The following ZNF613 variants were observed in gnomAD, a reference collection of about 807,000 sequenced individuals.
ZNF613 encodes the protein zinc finger protein 613.
A neutral mutation model predicts 14.3 loss-of-function variants in ZNF613; 8 were observed. The observed-to-expected ratio is 0.56, with a 90% CI of 0.33 to 1.01. The LOEUF is 1.01. ZNF613 is among the 50% of genes least tolerant of loss of function. The pLI, the probability that ZNF613 is intolerant of heterozygous loss-of-function variation, is 0.03. For synonymous variants in ZNF613, 228 were observed against 254.5 expected (o/e 0.90, Z 0.99); for missense variants, 656 against 741.9 (o/e 0.88, Z 1.35).
chr19:51,945,414 C>G lies in ZNF613; in HGVS notation c.1531C>G (p.Pro511Ala). The G allele has an allele frequency of 1.2e-6, 2 of 1,613,744 alleles. No homozygotes were observed. The highest frequency in any genetic ancestry group is 1.7e-4 in the Middle Eastern group (1 of 6,060). The change falls in exon 6 of 6, where the codon CCG becomes GCG. Residue 511 changes from proline to alanine, a missense_variant. Pro to Ala is a conservative substitution (Grantham distance 27, BLOSUM62 -1). Transcript: ENST00000293471. ...TCGGAGAACTCATACAGGGGAGAGA[C>G]CGTATGGATGCTCTGATTGTGGGAA... ...RHRRTHTGER[P>A]YGCSDCGKAF...
intron 2 of ZNF613, among the ~76,000 whole-genome samples, chr19:51,930,711 T>A (rs2085257804): frequency 6.6e-6 from 1 of 152,212 alleles, no homozygotes. Context: ...TTATTTCCCC[T>A]TTTTGGCTAT....
Position 51,945,729 on chromosome 19 carries a change from A to G in ZNF613, c.1846A>G (p.Thr616Ala), listed in dbSNP as rs760014865. Residue 616 changes from threonine (T) to alanine (A), a missense_variant, in exon 6 of 6, where the codon ACA becomes GCA. Transcript: ENST00000293471. ...SSVSADSRICTE is the reference protein window; with the variant it reads ...SSVSADSRICAE ...AGTCTCAGCAGATAGTAGAATTTGC[A>G]CAGAATAAAAACCATATGAATGCAG... 4 of 1,614,110 alleles carry G rather than the reference A, an allele frequency of 2.5e-6. No homozygotes were observed. The Admixed American group carries it at 6.7e-5, about 27-fold the overall frequency.
At chr19:51,939,957 T>C (rs1055451524) in intron 3 of ZNF613, among the ~76,000 whole-genome samples, 2 of 152,110 alleles carry the variant, frequency 1.3e-5, no homozygotes, top group Non-Finnish European at 2.9e-5. Flanking sequence ...TTGGTTCTTA[T>C]AGAAACTTCT....
chr19:51,942,539 G>A (rs749333671), intron 5 of ZNF613, among the ~76,000 whole-genome samples: 2 of 152,170 alleles, frequency 1.3e-5, no homozygotes, highest in Non-Finnish European at 2.9e-5. Context: ...CCCAAGGCAG[G>A]TGTGTGTTTG....
chr19:51,930,950 A>T (rs1050547513), intron 2 of ZNF613, among the ~76,000 whole-genome samples: 1 of 152,282 alleles, frequency 6.6e-6, no homozygotes, highest in South Asian at 2.1e-4. Context: ...GTTTTTTATT[A>T]CAGGCATTCT....
In ZNF613 at chr19:51,936,106, G is replaced by T. The variant is rs181107349; in HGVS notation, c.-115G>T. On this transcript the variant is annotated 5_prime_UTR_variant, in exon 3 of 6. Coordinates refer to ENST00000293471, the MANE Select transcript of ZNF613 (RefSeq NM_001031721.4). ...TTCCAGGACCTGGATACCATCCTTT[G>T]CAGGGATGTAATTCACCAGAGACCA... 4.3e-4 allele frequency: 469 copies of T among 1,094,278 alleles called. No homozygotes were observed. The highest frequency in any genetic ancestry group is 3.9e-3 in the African/African-American group (246 of 63,194). 67.8% of individuals were successfully genotyped at this position (1,094,278 alleles called of 1,614,324 possible).
chr19:51,933,064 A>G (rs898483127), intron 2 of ZNF613, among the ~76,000 whole-genome samples: 8 of 152,222 alleles, frequency 5.3e-5, no homozygotes, highest in African/African-American at 1.7e-4. Flanking sequence ...CAGGGAATCT[A>G]TAAACCTGCC....
intron 5 of ZNF613, among the ~76,000 whole-genome samples, chr19:51,942,478 C>T (rs1283442625): frequency 1.3e-5 from 2 of 152,130 alleles, no homozygotes; most frequent in South Asian, 2.1e-4. Context: ...GACATGAATA[C>T]GTCCCCCTGG....
chr19:51,939,599 G>A (rs1038656568), intron 3 of ZNF613, among the ~76,000 whole-genome samples: 1 of 152,096 alleles, frequency 6.6e-6, no homozygotes, highest in Non-Finnish European at 1.5e-5. Flanking sequence ...CAAAGTGCTG[G>A]GATTACAGGT....
In ZNF613 at chr19:51,945,659, A is replaced by G. The variant is rs1425054584; in HGVS notation, c.1776A>G (p.Ala592=). Residue 592 remains alanine (A), a synonymous_variant, in exon 6 of 6, where the codon GCA becomes GCG. Transcript: ENST00000293471. ...CATTAACTAACAGTGCGTTCCAAGC[A>G]GAGAGCAAAGTAGCCATTGTGAGCC... ...QTSLTNSAFQ[A]ESKVAIVSQP... is the part of the protein sequence containing the mutation. 6 of 1,614,088 alleles carry G rather than the reference A, an allele frequency of 3.7e-6. No homozygotes were observed. In the African/African-American group the frequency reaches 5.3e-5, roughly 14 times the overall value.
In ZNF613 at chr19:51,936,123, C is replaced by A; in HGVS notation, c.-98C>A. On this transcript the variant is annotated 5_prime_UTR_variant, in exon 3 of 6. Coordinates refer to ENST00000293471, the MANE Select transcript of ZNF613 (RefSeq NM_001031721.4). ...CATCCTTTGCAGGGATGTAATTCAC[C>A]AGAGACCAAGATTTCTAGCCAGAAA... The A allele has an allele frequency of 7.5e-7, 1 of 1,335,866 alleles. No homozygotes were observed. The highest frequency in any genetic ancestry group is 1.0e-6 in the Non-Finnish European group (1 of 969,604). 82.8% of individuals were successfully genotyped at this position (1,335,866 alleles called of 1,614,324 possible).
rs2085303442 is a variant in ZNF613, at chr19:51,936,158, G to GTT, written c.-63_-62insTT. On this transcript the variant is annotated 5_prime_UTR_variant, in exon 3 of 6. Transcript: ENST00000293471. The stretch of plus-strand genomic sequence containing the variant: ...GATTTCTAGCCAGAAATTGAGGGCA[G>GTT]CTCAAGGAGAGACTACAGACACAGC... The GTT allele has an allele frequency of 6.5e-7, 1 of 1,543,994 alleles. No individual in the cohort carries two copies. The highest frequency in any genetic ancestry group is 8.8e-7 in the Non-Finnish European group (1 of 1,139,602).
intron 5 of ZNF613, among the ~76,000 whole-genome samples, chr19:51,943,014 A>C (rs1411172921): frequency 1.3e-5 from 2 of 152,168 alleles, no homozygotes; most frequent in Non-Finnish European, 2.9e-5. Flanking sequence ...GATTTTTTAA[A>C]AAATTATGAG....
rs540973466 is a variant in ZNF613, at chr19:51,944,692, G to T, written c.809G>T (p.Arg270Leu). 3 of 1,613,952 alleles carry T rather than the reference G, an allele frequency of 1.9e-6. No individual in the cohort carries two copies. The highest frequency in any genetic ancestry group is 1.7e-5 in the Admixed American group (1 of 59,998). ...YECTECDKAFRWKSQLNAHQK... is the reference protein window; with the variant it reads ...YECTECDKAFLWKSQLNAHQK... ...TGCACTGAATGTGACAAAGCATTCC[G>T]CTGGAAATCACAGCTCAATGCACAC... The change falls in exon 6 of 6, where the codon CGC (arginine) becomes CTC (leucine). Residue 270 changes from arginine (R) to leucine (L), a missense_variant. Arg to Leu is a moderately radical substitution (Grantham distance 102). Transcript: ENST00000293471.
intron 3 of ZNF613, among the ~76,000 whole-genome samples, chr19:51,936,650 C>A (rs1224798781): frequency 6.6e-6 from 1 of 152,004 alleles, no homozygotes; most frequent in Non-Finnish European, 1.5e-5. Context: ...GCCCAGCTAA[C>A]TTTTTGTATT....
intron 5 of ZNF613, among the ~76,000 whole-genome samples, chr19:51,941,352 C>T (rs1322926537): frequency 6.6e-6 from 1 of 152,208 alleles, no homozygotes; most frequent in Non-Finnish European, 1.5e-5. Context: ...GTTCCTTCTA[C>T]TTCTCTTGCT....
chr19:51,936,242 TTTTG>T lies in ZNF613; in HGVS notation c.15+15_15+18del, dbSNP rs1180521695. Reference sequence around the variant, plus strand: ...GAAAATGATCAAGTCCCAGGTGACTTTTTGTTTGTTTTAGTCTTTCCTTCATCAC... The same window carrying T: ...GAAAATGATCAAGTCCCAGGTGACTTTTTGTTTTAGTCTTTCCTTCATCAC... On this transcript the variant is annotated splice_region_variant and intron_variant, in intron 3 of 5. Coordinates refer to ENST00000293471, the MANE Select transcript of ZNF613 (RefSeq NM_001031721.4). 5 of 1,601,248 alleles carry T rather than the reference TTTTG, an allele frequency of 3.1e-6. No individual in the cohort carries two copies. Among genetic ancestry groups the T allele is most frequent in the Admixed American group, 1.7e-5 (1 of 58,876 alleles).
At chr19:51,938,320 G>A (rs1001602841) in intron 3 of ZNF613, among the ~76,000 whole-genome samples, 4 of 151,710 alleles carry the variant, frequency 2.6e-5, no homozygotes, top group African/African-American at 9.7e-5. Flanking sequence ...CACCCAGGCT[G>A]GAGTGCAGTG....
intron 3 of ZNF613, 113 bp downstream of exon 3, chr19:51,936,348 C>A: frequency 1.8e-6 from 2 of 1,101,260 alleles, no homozygotes; most frequent in South Asian, 1.6e-5. Context: ...AGGATTTGTG[C>A]ATCAGTAAAT....
Sources: gnomAD v4.1 joint callset for allele counts (sites outside exome capture counted in the v4.1 genomes callset) on GRCh38, gnomAD v4.1.1 for gene constraint, MANE v1.5 for transcripts, NCBI Gene and HGNC (gene_info 2026-07-23, HGNC 2026-07-21) for gene names.